The following PRR12 variants were observed in gnomAD, a reference collection of about 807,000 sequenced individuals.
PRR12 encodes proline-rich protein 12.
PRR12 carries 12 observed loss-of-function variants against 138.0 expected under a neutral mutation model. That is an observed-to-expected ratio of 0.09 (90% CI 0.06 to 0.14). The LOEUF is 0.14. Among genes scored for constraint, PRR12 ranks in the 10% least tolerant of loss-of-function variants. The probability of loss-of-function intolerance (pLI) is 1.00; values close to 1 mark genes in which losing one functional copy is unlikely to be tolerated. For synonymous variants in PRR12, 1,567 were observed against 1,291.7 expected, an observed-to-expected ratio of 1.21 and a Z score of -4.57; for missense variants, 2,692 against 2,861.3, an observed-to-expected ratio of 0.94 and a Z score of 1.35.
At chr19:49,606,983 C>T (rs1386122738) in intron 6 of PRR12, among the ~76,000 whole-genome samples, 1 of 151,766 alleles carries the variant, frequency 6.6e-6, no homozygotes, top group East Asian at 1.9e-4. Flanking sequence ...GTTTTCATTC[C>T]TGGTTTATAA....
chr19:49,597,074 C>T lies in PRR12; in HGVS notation c.2739C>T (p.Tyr913=), dbSNP rs2080776701. 3 of 1,552,634 alleles carry T rather than the reference C, an allele frequency of 1.9e-6. No individual in the cohort carries two copies. Among genetic ancestry groups the T allele is most frequent in the Non-Finnish European group, 2.6e-6 (3 of 1,148,716 alleles). The part of the protein sequence containing the change: ...NSEGKDPAGA[Y]RSPSPQGTKA... ...AGGGCAAGGATCCCGCAGGCGCCTACCGCAGCCCCAGCCCGCAAGGCACCA... is the reference window on the plus strand; with the variant it reads ...AGGGCAAGGATCCCGCAGGCGCCTATCGCAGCCCCAGCCCGCAAGGCACCA... Residue 913 remains tyrosine (Y), a synonymous_variant, in exon 4 of 14, where the codon TAC becomes TAT. Transcript: ENST00000418929. This position sits in a 1 kb window ranked among gnomAD's most constrained non-coding sequence, Gnocchi z 6.3.
Position 49,598,025 on chromosome 19 carries a change from TG to T in PRR12, c.3678+16del, listed in dbSNP as rs1203591493. On this transcript the variant is annotated intron_variant, in intron 4 of 13. Transcript: ENST00000418929. Reference sequence around the variant, plus strand: ...TGAAGCCACTTAAGGTGAGGGGAAATGGGGTCTTGTAGGGGATAGGGGAGGA... The same window carrying T: ...TGAAGCCACTTAAGGTGAGGGGAAATGGGTCTTGTAGGGGATAGGGGAGGA... 4.4e-6 allele frequency: 6 copies of T among 1,349,844 alleles called. No individual in the cohort carries two copies. The East Asian group carries it at 1.5e-4, about 33-fold the overall frequency. 83.6% of individuals were successfully genotyped at this position (1,349,844 alleles called of 1,614,324 possible).
At chr19:49,617,934 C>CG (rs1388933164) in intron 9 of PRR12, among the ~76,000 whole-genome samples, 1 of 151,912 alleles carries the variant, frequency 6.6e-6, no homozygotes, top group Admixed American at 6.6e-5. Context: ...CCCGTCTCTA[C>CG]TAAAAATAAA....
chr19:49,620,767 AAGG>A (rs2080918242), intron 10 of PRR12, among the ~76,000 whole-genome samples: 1 of 121,834 alleles, frequency 8.2e-6, no homozygotes, highest in Non-Finnish European at 1.7e-5. Context: ...CTGAGGGAGG[AAGG>A]GCTGGGGGCC....
intron 9 of PRR12, among the ~76,000 whole-genome samples, chr19:49,618,736 C>A (rs2080905190): frequency 6.6e-6 from 1 of 151,976 alleles, no homozygotes; most frequent in Non-Finnish European, 1.5e-5. Flanking sequence ...GGGCAGCTCC[C>A]AGCCCTGTCC....
intron 6 of PRR12, among the ~76,000 whole-genome samples, chr19:49,602,328 C>T (rs908776542): frequency 6.6e-6 from 1 of 152,166 alleles, no homozygotes; most frequent in Non-Finnish European, 1.5e-5. Context: ...GCTGCTTTGC[C>T]ATTTATGGCA....
intron 11 of PRR12, 192 bp downstream of exon 11, chr19:49,621,814 G>A (rs1488463266): frequency 1.7e-6 from 1 of 588,780 alleles, no homozygotes; most frequent in South Asian, 2.0e-5. Flanking sequence ...CCCATGTGGG[G>A]AGGAGCTGTG....
chr19:49,602,742 G>A (rs2080819079), intron 6 of PRR12, among the ~76,000 whole-genome samples: 1 of 152,176 alleles, frequency 6.6e-6, no homozygotes, highest in Admixed American at 6.5e-5. Flanking sequence ...AGTAGAAATG[G>A]GGTTTCACTG....
At chr19:49,592,958 G>C (rs1170907974) in intron 1 of PRR12, among the ~76,000 whole-genome samples, 3 of 151,722 alleles carry the variant, frequency 2.0e-5, no homozygotes, top group African/African-American at 7.3e-5. Flanking sequence ...AGCCTGTGTC[G>C]CCGGAACGGG....
intron 10 of PRR12, among the ~76,000 whole-genome samples, chr19:49,621,291 G>A (rs1467193726): frequency 7.7e-6 from 1 of 129,314 alleles, no homozygotes; most frequent in African/African-American, 3.0e-5. Flanking sequence ...AGGAGCGGCT[G>A]GGGGTCTGGA....
In PRR12 at chr19:49,615,760, G is replaced by T; in HGVS notation, c.5038G>T (p.Ala1680Ser). 1 of 1,612,584 alleles carries T rather than the reference G, an allele frequency of 6.2e-7. No homozygotes were observed. The highest frequency in any genetic ancestry group is 8.5e-7 in the Non-Finnish European group (1 of 1,179,364). ...PPVPVRRSGQ[A>S]KNPVSAGGSS... is the part of the protein sequence containing the mutation. ...GTTCCCTTCTAGACGCTCTGGGCAG[G>T]CCAAGAACCCCGTATCTGCTGGGGG... The change falls in exon 9 of 14, where the codon GCC (alanine) becomes TCC (serine). Residue 1680 changes from alanine to serine, a missense_variant. Ala to Ser is a moderately conservative substitution (Grantham distance 99). Coordinates refer to ENST00000418929, the MANE Select transcript of PRR12 (RefSeq NM_020719.3).
chr19:49,611,792 G>A (rs936036490), intron 6 of PRR12, among the ~76,000 whole-genome samples: 21 of 145,138 alleles, frequency 1.4e-4, no homozygotes, highest in Admixed American at 7.6e-4. Flanking sequence ...GCGTGGTGGC[G>A]GGCGCCTGTG....
rs1443615418 is a variant in PRR12 at position 49,593,384 on chromosome 19, G to A, written c.144G>A (p.Gln48=). Residue 48 remains glutamine, a synonymous_variant, in exon 2 of 14, where the codon CAG becomes CAA. Transcript: ENST00000418929. ...CCGAGACGGACATCTTACACCGCCA[G>A]GCCTATGCGGCCCCCCACCCACTGC... The part of the protein sequence containing the change: ...SHPETDILHR[Q]AYAAPHPLQS... The A allele has an allele frequency of 1.2e-6, 2 of 1,611,530 alleles. No individual in the cohort carries two copies. The highest frequency in any genetic ancestry group is 2.2e-5 in the East Asian group (1 of 44,682).
chr19:49,594,996 C>T lies in PRR12; in HGVS notation c.661C>T (p.Pro221Ser), dbSNP rs778865724. Residue 221 changes from proline to serine, a missense_variant, in exon 4 of 14, where the codon CCA (proline) becomes TCA (serine). Pro to Ser is a moderately conservative substitution (Grantham distance 74, BLOSUM62 -1). This residue lies in a region of PRR12 where 523 missense variants were observed against 496.4 expected (regional missense o/e 1.05). Transcript: ENST00000418929. This position sits in a 1 kb window ranked among gnomAD's most constrained non-coding sequence, Gnocchi z 5.6. ...GGVLGPAGLGPAQTPPYRPGP... is the reference protein window; with the variant it reads ...GGVLGPAGLGSAQTPPYRPGP... ...TGTCTTGGGGCCAGCTGGTCTCGGT[C>T]CAGCCCAGACCCCCCCTTACCGCCC... 13 of 1,599,070 alleles carry T rather than the reference C, an allele frequency of 8.1e-6. No homozygotes were observed. The highest frequency in any genetic ancestry group is 1.7e-5 in the Admixed American group (1 of 58,504).
Position 49,616,285 on chromosome 19 carries a change from C to T in PRR12, c.5497+66C>T. ...GGAAGGGACACAGGTGAGGGCTGTC[C>T]AGAGGGCTCCAGGTAGCCTTGGCAG... is the stretch of plus-strand genomic sequence containing the variant. On this transcript the variant is annotated intron_variant, in intron 9 of 13. Coordinates refer to ENST00000418929, the MANE Select transcript of PRR12 (RefSeq NM_020719.3). The surrounding 1 kb of genome is among the most constrained non-coding windows in gnomAD (Gnocchi z 4.2). 5.9e-6 allele frequency: 8 copies of T among 1,359,288 alleles called. No homozygotes were observed. Among genetic ancestry groups the T allele is most frequent in the South Asian group, 1.5e-5 (1 of 65,638 alleles). 84.2% of individuals were successfully genotyped at this position (1,359,288 alleles called of 1,614,324 possible).
rs773680334 is a variant in PRR12 at position 49,620,369 on chromosome 19, C to G, written c.5515C>G (p.Arg1839Gly). 1 of 1,612,830 alleles carries G rather than the reference C, an allele frequency of 6.2e-7. No individual in the cohort carries two copies. Among genetic ancestry groups the G allele is most frequent in the African/African-American group, 1.3e-5 (1 of 74,936 alleles). ...PSEDERAVPG[R>G]LLKTRAMREM... ...TTCTGCAGAGCGGGCAGTACCTGGG[C>G]GTCTGCTCAAAACCAGGGCGATGCG... The change falls in exon 10 of 14, where the codon CGT becomes GGT. Residue 1839 changes from arginine to glycine, a missense_variant. Arg to Gly is a moderately radical substitution (Grantham distance 125, BLOSUM62 -2). Coordinates refer to ENST00000418929, the MANE Select transcript of PRR12 (RefSeq NM_020719.3).
chr19:49,600,998 T>A (rs974301649), intron 5 of PRR12, among the ~76,000 whole-genome samples: 3 of 152,088 alleles, frequency 2.0e-5, no homozygotes, highest in African/African-American at 4.8e-5. Flanking sequence ...GTGCTGGGAT[T>A]ACAGGCATGA....
rs1437884347 is a variant in PRR12, at chr19:49,597,300, C to T, written c.2965C>T (p.Pro989Ser). Residue 989 changes from proline to serine, a missense_variant, in exon 4 of 14, where the codon CCC becomes TCC. This residue lies in a region of PRR12 where 840 missense variants were observed against 689.8 expected (regional missense o/e 1.22). Coordinates refer to ENST00000418929, the MANE Select transcript of PRR12 (RefSeq NM_020719.3). This position sits in a 1 kb window ranked among gnomAD's most constrained non-coding sequence, Gnocchi z 6.3. ...GPPPGPPAYDPYGPYCPGRAS... is the reference protein window; with the variant it reads ...GPPPGPPAYDSYGPYCPGRAS... Reference sequence around the variant, plus strand: ...ACCCCCCGGCCCCCCTGCTTATGATCCCTATGGGCCCTACTGTCCTGGCCG... The same window carrying T: ...ACCCCCCGGCCCCCCTGCTTATGATTCCTATGGGCCCTACTGTCCTGGCCG... The T allele has an allele frequency of 2.3e-5, 36 of 1,558,618 alleles. No individual in the cohort carries two copies. Among genetic ancestry groups the T allele is most frequent in the Non-Finnish European group, 1.7e-5 (20 of 1,154,526 alleles).
chr19:49,614,416 C>T lies in PRR12; in HGVS notation c.4774-117C>T, dbSNP rs545205520. 25 of 660,276 alleles carry T rather than the reference C, an allele frequency of 3.8e-5. No individual in the cohort carries two copies. Among genetic ancestry groups the T allele is most frequent in the South Asian group, 7.8e-5 (4 of 50,966 alleles). 40.9% of individuals were successfully genotyped at this position (660,276 alleles called of 1,614,324 possible). A position where few individuals can be genotyped will look rare whatever the true frequency, so the allele number is the denominator to read the frequency against. On this transcript the variant is annotated intron_variant, in intron 6 of 13. Coordinates refer to ENST00000418929, the MANE Select transcript of PRR12 (RefSeq NM_020719.3). This position sits in a 1 kb window ranked among gnomAD's most constrained non-coding sequence, Gnocchi z 5.0. ...GGGGGTAGAAGATATTTGTTGTTGA[C>T]GTGTCTGCCTTTTCTCTAAGGGGAT...
Sources: allele counts gnomAD v4.1 joint callset (sites outside exome capture counted in the v4.1 genomes callset), GRCh38; gene constraint gnomAD v4.1.1; regional missense constraint gnomAD v4.1.1; non-coding constraint Gnocchi (gnomAD v3.1); transcripts MANE v1.5; gene names NCBI Gene and HGNC (gene_info 2026-07-23, HGNC 2026-07-21).